The following UNC13B variants were observed in gnomAD, a reference collection of about 807,000 sequenced individuals.
The protein encoded by UNC13B is unc-13 homolog B, also known as protein unc-13 homolog B.
UNC13B carries 144 observed loss-of-function variants against 211.0 expected under a neutral mutation model. That is an observed-to-expected ratio of 0.68 (90% CI 0.60 to 0.78). The LOEUF is 0.78. UNC13B is among the 30% of genes least tolerant of loss of function. The pLI, the probability that UNC13B is intolerant of heterozygous loss-of-function variation, is 0.00. For synonymous variants in UNC13B, 709 were observed against 725.8 expected, an observed-to-expected ratio of 0.98 and a Z score of 0.37; for missense variants, 1,777 against 2,002.0, an observed-to-expected ratio of 0.89 and a Z score of 2.14.
chr9:35,164,171 C>T (rs1474481900), intron 1 of UNC13B, among the ~76,000 whole-genome samples: 1 of 152,130 alleles, frequency 6.6e-6, no homozygotes, highest in African/African-American at 2.4e-5. Context: ...AGTGAACCAC[C>T]AGGCCCGGCT....
intron 1 of UNC13B, among the ~76,000 whole-genome samples, chr9:35,178,981 A>G (rs1468638041): frequency 6.6e-6 from 1 of 152,048 alleles, no homozygotes; most frequent in African/African-American, 2.4e-5. Flanking sequence ...CTCTTTGCCA[A>G]TAAGTAGGTA....
chr9:35,269,488 A>G (rs1012320509), intron 7 of UNC13B, among the ~76,000 whole-genome samples: 7 of 152,186 alleles, frequency 4.6e-5, no homozygotes, highest in Non-Finnish European at 1.0e-4. Context: ...TCATTATGTA[A>G]GTATGATTGG....
At chr9:35,308,531 A>T (rs778289151) in intron 9 of UNC13B, 119 bp downstream of exon 9, 5 of 396,748 alleles carry the variant, frequency 1.3e-5, no homozygotes, top group Non-Finnish European at 1.3e-5. Flanking sequence ...CTTTCCTAGT[A>T]CCCGAGCTTC....
chr9:35,238,754 C>T (rs1357269406), intron 5 of UNC13B, among the ~76,000 whole-genome samples: 1 of 152,052 alleles, frequency 6.6e-6, no homozygotes, highest in Non-Finnish European at 1.5e-5. Flanking sequence ...GACAGGGTTT[C>T]ACCATGTTGG....
chr9:35,359,331 C>T (rs2132111862), intron 11 of UNC13B, among the ~76,000 whole-genome samples: 1 of 152,258 alleles, frequency 6.6e-6, no homozygotes, highest in Middle Eastern at 3.4e-3. Context: ...CTTTGCTCTT[C>T]CTCTCCCCAA....
chr9:35,384,542 C>A, intron 22 of UNC13B: 1 of 985,426 alleles, frequency 1.0e-6, no homozygotes, highest in Non-Finnish European at 1.2e-6. Flanking sequence ...AGTTGTCTTT[C>A]CAACCTCATT....
At chr9:35,213,122 C>T (rs1005429463) in intron 1 of UNC13B, among the ~76,000 whole-genome samples, 3 of 152,238 alleles carry the variant, frequency 2.0e-5, no homozygotes, top group Non-Finnish European at 4.4e-5. Flanking sequence ...TATAAATTCA[C>T]TTCTCTTCAT....
At position 35,236,578 on chromosome 9, in the gene UNC13B, T is replaced by G; in HGVS notation, c.262T>G (p.Ser88Ala). 1 of 1,613,690 alleles carries G rather than the reference T, an allele frequency of 6.2e-7. No homozygotes were observed. The highest frequency in any genetic ancestry group is 1.7e-5 in the Admixed American group (1 of 60,002). The change falls in exon 4 of 40, where the codon TCG becomes GCG. Residue 88 changes from serine to alanine, a missense_variant. By Grantham distance (99) the Ser-to-Ala change is moderately conservative (BLOSUM62 1). Transcript: ENST00000635942. ...GATTGCGCTGAAGACTATTCGTCAGTCGGATGAGGTCAGTCATTGCATTTT... is the reference window on the plus strand; with the variant it reads ...GATTGCGCTGAAGACTATTCGTCAGGCGGATGAGGTCAGTCATTGCATTTT... ...VWIALKTIRQ[S>A]DEEGPGEWST...
chr9:35,376,179 G>T lies in UNC13B; in HGVS notation c.9767G>T (p.Arg3256Leu). The part of the protein sequence containing the change: ...LLWGIARQGM[R>L]CSECGVKCHE... ...TGGGGCATTGCCCGGCAGGGCATGC[G>T]CTGCAGCGAATGTGGAGTCAAGTGC... Residue 3256 changes from arginine (R) to leucine (L), a missense_variant, in exon 15 of 40, where the codon CGC (arginine) becomes CTC (leucine). Physicochemically the swap from Arg to Leu is moderately radical, Grantham distance 102 (BLOSUM62 -2). Transcript: ENST00000635942. 1 of 1,614,186 alleles carries T rather than the reference G, an allele frequency of 6.2e-7. No individual in the cohort carries two copies. The highest frequency in any genetic ancestry group is 8.5e-7 in the Non-Finnish European group (1 of 1,180,030).
rs564510472 is a variant in UNC13B at position 35,405,294 on chromosome 9, C to T, written c.*1261C>T. The T allele has an allele frequency of 6.6e-6, 1 of 152,612 alleles. No homozygotes were observed. The highest frequency in any genetic ancestry group is 2.1e-4 in the South Asian group (1 of 4,826). 9.5% of individuals were successfully genotyped at this position (152,612 alleles called of 1,614,324 possible). The stretch of plus-strand genomic sequence containing the variant: ...TTAATTATTATATGTGCCATTGTTA[C>T]AGGAGATTATAGGCTAGTCTGTAAT... On this transcript the variant is annotated 3_prime_UTR_variant, in exon 40 of 40. Coordinates refer to ENST00000635942, the MANE Select transcript of UNC13B (RefSeq NM_001371189.2).
chr9:35,397,635 A>G lies in UNC13B; in HGVS notation c.11677A>G (p.Thr3893Ala). The G allele has an allele frequency of 6.2e-7, 1 of 1,613,136 alleles. No homozygotes were observed. The highest frequency in any genetic ancestry group is 8.5e-7 in the Non-Finnish European group (1 of 1,179,654). The change falls in exon 30 of 40, where the codon ACC (threonine) becomes GCC (alanine). Residue 3893 changes from threonine (T) to alanine (A), a missense_variant and splice_region_variant. Thr to Ala is a moderately conservative substitution (Grantham distance 58, BLOSUM62 0). Coordinates refer to ENST00000635942, the MANE Select transcript of UNC13B (RefSeq NM_001371189.2). ...LAHYMRRFAK[T>A]IGKVLMQYAD... ...TTTCTTTCCTTTCTCCTCTTCTCAG[A>G]CCATCGGGAAGGTGCTGATGCAGTA...
chr9:35,262,897 C>T (rs1240858248), intron 7 of UNC13B, among the ~76,000 whole-genome samples: 2 of 152,164 alleles, frequency 1.3e-5, no homozygotes, highest in Non-Finnish European at 2.9e-5. Flanking sequence ...CATGCCACTG[C>T]ACCCCAGCCT....
At chr9:35,180,165 GT>G (rs1364822629) in intron 1 of UNC13B, among the ~76,000 whole-genome samples, 2 of 152,132 alleles carry the variant, frequency 1.3e-5, no homozygotes, top group African/African-American at 4.8e-5. Flanking sequence ...TTAGTCATTG[GT>G]TTTGTTAGTT....
chr9:35,291,232 C>T (rs944007587), intron 7 of UNC13B: 5 of 912,630 alleles, frequency 5.5e-6, no homozygotes, highest in South Asian at 3.4e-5. Context: ...ACTTAAATAT[C>T]GGGAGACAAT....
chr9:35,271,560 TG>T (rs1285707691), intron 7 of UNC13B, among the ~76,000 whole-genome samples: 1 of 152,240 alleles, frequency 6.6e-6, no homozygotes, highest in Non-Finnish European at 1.5e-5. Context: ...AGGGATAAAC[TG>T]GTCTGTTCCT....
intron 1 of UNC13B, among the ~76,000 whole-genome samples, chr9:35,173,094 A>C (rs1258697356): frequency 1.3e-5 from 2 of 152,166 alleles, no homozygotes; most frequent in African/African-American, 4.8e-5. Context: ...AAGAGGTTAG[A>C]GGGCAGGGAG....
intron 1 of UNC13B, among the ~76,000 whole-genome samples, chr9:35,189,913 C>T (rs1288740533): frequency 1.3e-5 from 2 of 152,066 alleles, no homozygotes; most frequent in East Asian, 1.9e-4. Flanking sequence ...TCAGGTGATC[C>T]GCCCACCTCG....
At chr9:35,377,285 G>GCCAAAATCCATCATGAA (rs1252819450) in intron 15 of UNC13B, among the ~76,000 whole-genome samples, 183 bp from the exon 16 acceptor site, 23 of 152,236 alleles carry the variant, frequency 1.5e-4, no homozygotes, top group African/African-American at 5.5e-4. Flanking sequence ...TAATGACTTG[G>GCCAAAATCCATCATGAA]CCAAAATCCA....
chr9:35,173,666 C>T (rs530222817), intron 1 of UNC13B, among the ~76,000 whole-genome samples: 12 of 152,166 alleles, frequency 7.9e-5, no homozygotes, highest in South Asian at 2.1e-4. Context: ...TCATGTAATC[C>T]GCCCGCCTCA....
Sources: allele counts gnomAD v4.1 joint callset (sites outside exome capture counted in the v4.1 genomes callset), GRCh38; gene constraint gnomAD v4.1.1; transcripts MANE v1.5; gene names NCBI Gene and HGNC (gene_info 2026-07-23, HGNC 2026-07-21).